THSD7B: variants seen among roughly 807,000 people sequenced by gnomAD.
THSD7B encodes the protein thrombospondin type 1 domain containing 7B.
In THSD7B, 138 loss-of-function variants were observed where a neutral mutation model predicts 213.6. That is an observed-to-expected ratio of 0.65 (90% CI 0.56 to 0.74). The LOEUF (loss-of-function observed/expected upper bound fraction) is 0.74. Ranked by LOEUF, THSD7B falls within the 30% of genes least tolerant of loss-of-function variation. The probability of loss-of-function intolerance (pLI) is 0.00; values close to 1 mark genes in which losing one functional copy is unlikely to be tolerated. For missense variants in THSD7B, 1,931 were observed against 1,991.5 expected, an observed-to-expected ratio of 0.97 and a Z score of 0.58; for synonymous variants, 742 against 687.0, an observed-to-expected ratio of 1.08 and a Z score of -1.25.
At chr2:137,222,067 C>G (rs549889600) in intron 7 of THSD7B, among the ~76,000 whole-genome samples, 14 of 152,278 alleles carry the variant, frequency 9.2e-5, no homozygotes, top group African/African-American at 2.9e-4. Flanking sequence ...ATCTTTAACT[C>G]AAATCATTTT....
Position 136,925,134 on chromosome 2 carries a change from T to A in THSD7B, c.139+42817T>A, listed in dbSNP as rs564976740. 3.9e-5 allele frequency among the ~76,000 whole-genome samples: 6 copies of A among 152,332 alleles called. No homozygotes were observed. The East Asian group carries it at 7.7e-4, about 20-fold the overall frequency. ...GGTCATCTACAAGCAGAAATAATTTTATTCCTCTTTTACGATTTACATGTC... is the reference window on the plus strand; with the variant it reads ...GGTCATCTACAAGCAGAAATAATTTAATTCCTCTTTTACGATTTACATGTC... On this transcript the variant is annotated intron_variant, in intron 2 of 27. Transcript: ENST00000409968.
At chr2:136,819,153 A>G (rs1206874016) in intron 1 of THSD7B, among the ~76,000 whole-genome samples, 1 of 152,214 alleles carries the variant, frequency 6.6e-6, no homozygotes, top group Admixed American at 6.5e-5. Flanking sequence ...AAAATATATA[A>G]TAGGCAAAAA....
intron 3 of THSD7B, among the ~76,000 whole-genome samples, chr2:137,074,382 G>GT (rs533385291): frequency 6.6e-6 from 1 of 152,058 alleles, no homozygotes; most frequent in East Asian, 1.9e-4. Context: ...TTTAAAGTCT[G>GT]TTTTATCCGA....
chr2:137,590,092 A>T (rs943294203), intron 17 of THSD7B, among the ~76,000 whole-genome samples: 2 of 151,774 alleles, frequency 1.3e-5, no homozygotes, highest in African/African-American at 4.8e-5. Flanking sequence ...TTCACTTTTC[A>T]TATGTAAGCC....
In THSD7B at chr2:137,198,017, A is replaced by C. The variant is rs79304006; in HGVS notation, c.1723+27079A>C. On this transcript the variant is annotated intron_variant, in intron 7 of 27. Transcript: ENST00000409968. ...GTGAGTTCATTTTTTATTTTCAAGG[A>C]GTAGCAAGTACATCTTTCATGCCTC... Among the ~76,000 whole-genome samples the C allele has an allele frequency of 6.7e-3, 1,026 of 152,234 alleles. 8 individuals are homozygous for C. The highest frequency in any genetic ancestry group is 0.024 in the African/African-American group (988 of 41,538).
At chr2:137,212,180 T>C (rs1681126738) in intron 7 of THSD7B, among the ~76,000 whole-genome samples, 1 of 152,118 alleles carries the variant, frequency 6.6e-6, no homozygotes, top group Admixed American at 6.6e-5. Flanking sequence ...ATTCACTACC[T>C]TTGGCTTCAC....
At chr2:137,010,815 C>T (rs1399496338) in intron 2 of THSD7B, among the ~76,000 whole-genome samples, 1 of 152,070 alleles carries the variant, frequency 6.6e-6, no homozygotes, top group East Asian at 1.9e-4. Context: ...TTCTACTGGG[C>T]CAGGCATTCA....
intron 15 of THSD7B, among the ~76,000 whole-genome samples, chr2:137,479,772 C>T (rs1249099490): frequency 6.6e-6 from 1 of 152,140 alleles, no homozygotes; most frequent in Admixed American, 6.5e-5. Context: ...TATTGAGATC[C>T]TGGCAGTATG....
At chr2:137,098,290 T>C (rs1688077532) in intron 4 of THSD7B, among the ~76,000 whole-genome samples, 1 of 152,206 alleles carries the variant, frequency 6.6e-6, no homozygotes, top group Non-Finnish European at 1.5e-5. Flanking sequence ...ATTTGAGATG[T>C]GTTTGTTCCT....
At chr2:137,245,370 A>G (rs76167274) in intron 10 of THSD7B, among the ~76,000 whole-genome samples, 8,976 of 152,252 alleles carry the variant, frequency 0.059, 412 homozygotes, top group Middle Eastern at 0.099. Flanking sequence ...CCTGACACTG[A>G]GTAGGCACTG....
intron 1 of THSD7B, among the ~76,000 whole-genome samples, chr2:136,866,195 C>T (rs1044227159): frequency 1.3e-5 from 2 of 152,102 alleles, no homozygotes; most frequent in South Asian, 2.1e-4. Flanking sequence ...TTACCTAGTT[C>T]TTCATAAGCT....
intron 12 of THSD7B, among the ~76,000 whole-genome samples, chr2:137,399,754 G>A (rs1179844293): frequency 6.6e-6 from 1 of 151,904 alleles, no homozygotes; most frequent in Non-Finnish European, 1.5e-5. Flanking sequence ...TCTAGAATAA[G>A]GATGTTTTCA....
At chr2:137,166,664 AT>A (rs1680136871) in intron 6 of THSD7B, among the ~76,000 whole-genome samples, 1 of 152,214 alleles carries the variant, frequency 6.6e-6, no homozygotes, top group African/African-American at 2.4e-5. Flanking sequence ...TCTTAAACAA[AT>A]TAGATAACAT....
chr2:137,378,671 A>G (rs1204779737), intron 12 of THSD7B, among the ~76,000 whole-genome samples: 1 of 152,090 alleles, frequency 6.6e-6, no homozygotes, highest in Non-Finnish European at 1.5e-5. Context: ...TCTTCACTCT[A>G]CTTGTCTGGA....
At chr2:136,994,672 TAAG>T in intron 2 of THSD7B, among the ~76,000 whole-genome samples, 2 of 152,312 alleles carry the variant, frequency 1.3e-5, no homozygotes, top group Admixed American at 1.3e-4. Flanking sequence ...TTTATGGTGT[TAAG>T]AAACTATTTT....
chr2:137,658,831 A>G (rs1167105939), intron 24 of THSD7B, among the ~76,000 whole-genome samples: 1 of 152,230 alleles, frequency 6.6e-6, no homozygotes, highest in Non-Finnish European at 1.5e-5. Flanking sequence ...TGCTAGCTAC[A>G]AAACTATAAA....
intron 6 of THSD7B, among the ~76,000 whole-genome samples, chr2:137,162,312 T>C (rs1680034621): frequency 6.6e-6 from 1 of 152,220 alleles, no homozygotes; most frequent in African/African-American, 2.4e-5. Flanking sequence ...GAAAGAAATG[T>C]CTTTTCCATT....
intron 15 of THSD7B, chr2:137,512,003 T>C (rs1056989884): frequency 6.6e-6 from 1 of 152,194 alleles, no homozygotes. Flanking sequence ...AAAATCACTA[T>C]TCTTACCTGA....
intron 25 of THSD7B, among the ~76,000 whole-genome samples, chr2:137,662,855 G>A (rs1394191204): frequency 6.6e-6 from 1 of 152,100 alleles, no homozygotes; most frequent in Admixed American, 6.5e-5. Flanking sequence ...AGGAGTTTAA[G>A]ACCAGCCTGG....
Sources: allele counts gnomAD v4.1 joint callset (sites outside exome capture counted in the v4.1 genomes callset), GRCh38; gene constraint gnomAD v4.1.1; transcripts MANE v1.5; gene names NCBI Gene and HGNC (gene_info 2026-07-23, HGNC 2026-07-21).